FIG4: variants seen among roughly 807,000 people sequenced by gnomAD.
The protein encoded by FIG4 is FIG4 phosphoinositide 5-phosphatase.
Under a neutral mutation model 118.6 loss-of-function variants are expected in FIG4, and 112 were observed. The ratio of observed to expected loss-of-function variants is 0.94; its 90% CI spans 0.81 to 1.11. FIG4 has a LOEUF of 1.11. Among genes scored for constraint, FIG4 ranks in the 50% least tolerant of loss-of-function variants. The pLI, the probability that FIG4 is intolerant of heterozygous loss-of-function variation, is 0.00. For synonymous variants in FIG4, 369 were observed against 381.2 expected, an observed-to-expected ratio of 0.97 and a Z score of 0.37; for missense variants, 969 against 1,111.7, an observed-to-expected ratio of 0.87 and a Z score of 1.83.
rs147520016 is a variant in FIG4 at position 109,701,265 on chromosome 6, A to G, written c.66+9764A>G. Among the ~76,000 whole-genome samples, 23 of 152,332 alleles carry G rather than the reference A, an allele frequency of 1.5e-4. No homozygotes were observed. The East Asian group carries it at 4.4e-3, about 29-fold the overall frequency. On this transcript the variant is annotated intron_variant, in intron 1 of 22. Transcript: ENST00000230124. Reference sequence around the variant, plus strand: ...ACCTAGCACCTTCAATATGCTCCTTAGCTCTTGTGACTCGTCTGTGGTCCT... The same window carrying G: ...ACCTAGCACCTTCAATATGCTCCTTGGCTCTTGTGACTCGTCTGTGGTCCT...
chr6:109,764,468 T>C (rs1343269395), intron 13 of FIG4, among the ~76,000 whole-genome samples: 1 of 150,014 alleles, frequency 6.7e-6, no homozygotes, highest in African/African-American at 2.4e-5. Context: ...GAAAAATGTG[T>C]AGCTGAAATA....
intron 22 of FIG4, among the ~76,000 whole-genome samples, chr6:109,811,204 G>T (rs1778711486): frequency 6.6e-6 from 1 of 152,142 alleles, no homozygotes; most frequent in Non-Finnish European, 1.5e-5. Context: ...AGAGCTGTTT[G>T]AGTTGCTTCA....
chr6:109,800,644 C>A (rs1778402527), intron 22 of FIG4, among the ~76,000 whole-genome samples: 1 of 152,168 alleles, frequency 6.6e-6, no homozygotes, highest in East Asian at 1.9e-4. Flanking sequence ...CACTGACTCT[C>A]ATCCCCCATC....
Position 109,739,100 on chromosome 6 carries a change from G to A in FIG4, c.775+647G>A, listed in dbSNP as rs140066018. 4.5e-4 allele frequency among the ~76,000 whole-genome samples: 68 copies of A among 152,212 alleles called. No individual in the cohort carries two copies. In the East Asian group the frequency reaches 0.012, roughly 28 times the overall value. On this transcript the variant is annotated intron_variant, in intron 7 of 22. Transcript: ENST00000230124. ...ATTTAGGATGCTTGAGTTGACAACC[G>A]TTTTCAAGCTGGATTAAGTAAAATG...
At chr6:109,768,699 T>C (rs1186213501) in intron 15 of FIG4, among the ~76,000 whole-genome samples, 1 of 152,142 alleles carries the variant, frequency 6.6e-6, no homozygotes. Context: ...GACTGAGTCT[T>C]ACAAATGTAA....
intron 1 of FIG4, among the ~76,000 whole-genome samples, chr6:109,698,508 T>G (rs1379221089): frequency 6.6e-6 from 1 of 152,252 alleles, no homozygotes; most frequent in African/African-American, 2.4e-5. Flanking sequence ...TCTCTTGACC[T>G]ATGGCCCTGG....
At chr6:109,822,348 C>T (rs1246200675) in intron 22 of FIG4, among the ~76,000 whole-genome samples, 3 of 133,220 alleles carry the variant, frequency 2.3e-5, no homozygotes, top group Non-Finnish European at 3.3e-5. Flanking sequence ...TTTTCTGTAT[C>T]GATTTTATTT....
intron 21 of FIG4, among the ~76,000 whole-genome samples, chr6:109,796,085 G>T (rs896726915): frequency 2.6e-5 from 4 of 152,236 alleles, no homozygotes; most frequent in Non-Finnish European, 5.9e-5. Context: ...CATTTCCTCT[G>T]GCTCTTAGCT....
chr6:109,764,732 A>C (rs866593375), intron 13 of FIG4, among the ~76,000 whole-genome samples: 7 of 152,342 alleles, frequency 4.6e-5, no homozygotes, highest in African/African-American at 4.8e-5. Flanking sequence ...TATTTGTTTT[A>C]TTTTGTTAAA....
intron 4 of FIG4, among the ~76,000 whole-genome samples, chr6:109,727,496 G>A (rs772900560): frequency 2.6e-5 from 4 of 152,094 alleles, no homozygotes; most frequent in Non-Finnish European, 4.4e-5. Flanking sequence ...TAGAATTTTT[G>A]TTAAGAGCTG....
intron 22 of FIG4, among the ~76,000 whole-genome samples, chr6:109,808,512 A>G (rs1254566507): frequency 6.6e-6 from 1 of 152,214 alleles, no homozygotes; most frequent in African/African-American, 2.4e-5. Context: ...CACTTCTTGC[A>G]TATCATAATA....
chr6:109,756,987 AT>A (rs1776930054), intron 10 of FIG4, among the ~76,000 whole-genome samples: 1 of 152,100 alleles, frequency 6.6e-6, no homozygotes, highest in Admixed American at 6.6e-5. Context: ...GAGGAACTGC[AT>A]TCCTCAGATG....
chr6:109,713,002 C>T (rs1193418717), intron 1 of FIG4, among the ~76,000 whole-genome samples: 1 of 152,078 alleles, frequency 6.6e-6, no homozygotes, highest in African/African-American at 2.4e-5. Context: ...TATAGGGGGC[C>T]AACGTTCAGC....
intron 15 of FIG4, among the ~76,000 whole-genome samples, chr6:109,768,324 C>T (rs1385085345): frequency 6.6e-6 from 1 of 152,230 alleles, no homozygotes; most frequent in East Asian, 1.9e-4. Flanking sequence ...GTCCCCAGTG[C>T]TGGCAGCTTC....
In FIG4 at chr6:109,735,181, T is replaced by C. The variant is rs1241944363; in HGVS notation, c.529T>C (p.Tyr177His). The change falls in exon 6 of 23, where the codon TAT (tyrosine) becomes CAT (histidine). Residue 177 changes from tyrosine (Y) to histidine (H), a missense_variant. By Grantham distance (83) the Tyr-to-His change is moderately conservative. Around this residue, in one of 3 missense-constraint regions of FIG4, gnomAD observed 393 missense variants for 409.4 expected, o/e 0.96. Coordinates refer to ENST00000230124, the MANE Select transcript of FIG4 (RefSeq NM_014845.6). ...YSYDLSHSLQ[Y>H]NLTVLRMPLE... ...CTATGATTTGTCCCACTCACTTCAATATAATCTCACTGTCTTGCGAATGCC... is the reference window on the plus strand; with the variant it reads ...CTATGATTTGTCCCACTCACTTCAACATAATCTCACTGTCTTGCGAATGCC... The C allele has an allele frequency of 6.2e-7, 1 of 1,613,076 alleles. No individual in the cohort carries two copies. The highest frequency in any genetic ancestry group is 2.2e-5 in the East Asian group (1 of 44,842).
At chr6:109,802,102 C>T (rs1224027474) in intron 22 of FIG4, among the ~76,000 whole-genome samples, 1 of 152,218 alleles carries the variant, frequency 6.6e-6, no homozygotes. Flanking sequence ...TGTGACCTCT[C>T]CTCTCACTCC....
intron 10 of FIG4, among the ~76,000 whole-genome samples, chr6:109,754,896 T>G (rs1583687471): frequency 1.3e-5 from 2 of 152,320 alleles, no homozygotes; most frequent in African/African-American, 4.8e-5. Context: ...GCTCCTGGAT[T>G]CATTAATTTT....
chr6:109,813,358 A>C (rs1337531779), intron 22 of FIG4, among the ~76,000 whole-genome samples: 1 of 152,166 alleles, frequency 6.6e-6, no homozygotes, highest in Non-Finnish European at 1.5e-5. Flanking sequence ...GTACACTGCA[A>C]CTTTCTAATC....
chr6:109,698,155 T>C (rs1202198971), intron 1 of FIG4, among the ~76,000 whole-genome samples: 1 of 152,050 alleles, frequency 6.6e-6, no homozygotes, highest in African/African-American at 2.4e-5. Flanking sequence ...CCCAAAGTGC[T>C]GGGATTACAG....
Sources: allele counts gnomAD v4.1 joint callset (sites outside exome capture counted in the v4.1 genomes callset), GRCh38; gene constraint gnomAD v4.1.1; regional missense constraint gnomAD v4.1.1; transcripts MANE v1.5; gene names NCBI Gene and HGNC (gene_info 2026-07-23, HGNC 2026-07-21).